The following IL21R variants were observed in gnomAD, a reference collection of about 807,000 sequenced individuals.
IL21R encodes the protein interleukin-21 receptor.
In IL21R, 14 loss-of-function variants were observed where a neutral mutation model predicts 41.3. The ratio of observed to expected loss-of-function variants is 0.34; its 90% confidence interval spans 0.22 to 0.53. The LOEUF (loss-of-function observed/expected upper bound fraction) is 0.53. IL21R is among the 20% of genes least tolerant of loss of function. The probability of loss-of-function intolerance (pLI) is 0.94; values close to 1 mark genes in which losing one functional copy is unlikely to be tolerated. For synonymous variants in IL21R, 286 were observed against 287.6 expected, an observed-to-expected ratio of 0.99 and a Z score of 0.05; for missense variants, 588 against 681.6, an observed-to-expected ratio of 0.86 and a Z score of 1.53.
chr16:27,434,476 CG>C, intron 3 of IL21R, 27 bp downstream of exon 3: 2 of 1,451,680 alleles, frequency 1.4e-6, no homozygotes. Flanking sequence ...CACCAGTCCC[CG>C]GGGATGCAAT....
At chr16:27,423,140 C>T (rs145432378) in intron 1 of IL21R, among the ~76,000 whole-genome samples, 1 of 152,016 alleles carries the variant, frequency 6.6e-6, no homozygotes, top group Non-Finnish European at 1.5e-5. Flanking sequence ...TTTTCAATGA[C>T]TTTGCACATG....
intron 1 of IL21R, among the ~76,000 whole-genome samples, chr16:27,418,588 T>G (rs1232089036): frequency 6.6e-6 from 1 of 152,132 alleles, no homozygotes; most frequent in Non-Finnish European, 1.5e-5. Context: ...GCCAGGATAG[T>G]CTTGATCACC....
intron 1 of IL21R, among the ~76,000 whole-genome samples, chr16:27,427,841 T>C (rs1316644387): frequency 6.6e-6 from 1 of 152,146 alleles, no homozygotes; most frequent in Non-Finnish European, 1.5e-5. Flanking sequence ...TCTGCAGGGG[T>C]TGGAATCACA....
chr16:27,439,349 C>T (rs2087333565), intron 4 of IL21R, among the ~76,000 whole-genome samples: 1 of 151,222 alleles, frequency 6.6e-6, no homozygotes, highest in Admixed American at 6.6e-5. Flanking sequence ...CTCATACACA[C>T]TCACACATAC....
chr16:27,432,735 C>G (rs545448236), intron 2 of IL21R, among the ~76,000 whole-genome samples: 4 of 152,356 alleles, frequency 2.6e-5, no homozygotes, highest in African/African-American at 9.6e-5. Flanking sequence ...CCGACAAGTT[C>G]TGTGTGTCTC....
chr16:27,447,978 C>A (rs972528685), intron 8 of IL21R: 2 of 153,152 alleles, frequency 1.3e-5, no homozygotes, highest in African/African-American at 4.8e-5. Context: ...CTCCCTTCTA[C>A]AAGTAGGGAA....
chr16:27,430,133 C>T lies in IL21R; in HGVS notation c.49+13C>T, dbSNP rs1383906634. On this transcript the variant is annotated intron_variant, in intron 2 of 8. Transcript: ENST00000337929. ...CTGCTCCAGGGAGGTAAGTGGCTGC[C>T]CCGTGGTCTGCGGGTGGGGAGGGCC... 12 of 1,601,444 alleles carry T rather than the reference C, an allele frequency of 7.5e-6. No individual in the cohort carries two copies. The highest frequency in any genetic ancestry group is 9.3e-6 in the Non-Finnish European group (11 of 1,179,378).
chr16:27,417,281 C>A (rs2086905578), intron 1 of IL21R, among the ~76,000 whole-genome samples: 1 of 151,430 alleles, frequency 6.6e-6, no homozygotes, highest in Non-Finnish European at 1.5e-5. Context: ...CCCACCTTAG[C>A]CTCCTGAGTA....
At chr16:27,429,674 T>C (rs2087136077) in intron 1 of IL21R, among the ~76,000 whole-genome samples, 2 of 152,264 alleles carry the variant, frequency 1.3e-5, no homozygotes, top group South Asian at 4.1e-4. Context: ...CTCGGGAGGC[T>C]GATGCAGGAG....
At chr16:27,432,907 C>G (rs1331559688) in intron 2 of IL21R, among the ~76,000 whole-genome samples, 2 of 152,192 alleles carry the variant, frequency 1.3e-5, no homozygotes, top group East Asian at 3.9e-4. Flanking sequence ...CTATGAAAAA[C>G]TAGCACAGAC....
intron 1 of IL21R, among the ~76,000 whole-genome samples, chr16:27,404,216 G>A (rs974989325): frequency 2.0e-5 from 3 of 152,122 alleles, no homozygotes; most frequent in Non-Finnish European, 4.4e-5. Context: ...CCAGGAGGGT[G>A]TCCGGATCCT....
intron 3 of IL21R, 83 bp downstream of exon 3, chr16:27,434,532 T>G: frequency 3.6e-6 from 3 of 833,610 alleles, no homozygotes; most frequent in Non-Finnish European, 6.0e-6. Context: ...CACTGTGCAC[T>G]GAGGACCACT....
intron 4 of IL21R, chr16:27,442,724 C>T (rs1473152433): frequency 2.8e-6 from 1 of 359,650 alleles, no homozygotes; most frequent in Non-Finnish European, 5.0e-6. Context: ...CCTGCCCGCC[C>T]CTGAGTTTGC....
chr16:27,426,128 A>G (rs544782108), intron 1 of IL21R, among the ~76,000 whole-genome samples: 1 of 152,328 alleles, frequency 6.6e-6, no homozygotes, highest in East Asian at 1.9e-4. Flanking sequence ...TGCTGTGATT[A>G]TCATTACTCC....
chr16:27,444,726 G>A lies in IL21R; in HGVS notation c.685+7G>A, dbSNP rs1567372368. 4 of 1,482,428 alleles carry A rather than the reference G, an allele frequency of 2.7e-6. No homozygotes were observed. The highest frequency in any genetic ancestry group is 3.6e-6 in the Non-Finnish European group (4 of 1,114,922). The allele number at this position is 1,482,428 out of a possible 1,614,324, so 91.8% of individuals were successfully genotyped here. On this transcript the variant is annotated splice_region_variant and intron_variant, in intron 6 of 8. Transcript: ENST00000337929. ...TTTCAGACCCAGTCAGAGGGTAGGT[G>A]TGAAGCTGGGATGGACACCCCACTC...
intron 7 of IL21R, 98 bp downstream of exon 7, chr16:27,445,374 T>C: frequency 1.3e-6 from 1 of 778,544 alleles, no homozygotes; most frequent in Non-Finnish European, 2.2e-6. Context: ...GTCATCATGG[T>C]AACAATGATG....
chr16:27,436,899 C>T (rs2087280163), intron 3 of IL21R, among the ~76,000 whole-genome samples: 1 of 152,064 alleles, frequency 6.6e-6, no homozygotes, highest in South Asian at 2.1e-4. Context: ...ATGGTGGGAC[C>T]CCATCTCTAC....
chr16:27,433,096 A>G (rs2087202872), intron 2 of IL21R, among the ~76,000 whole-genome samples: 1 of 152,176 alleles, frequency 6.6e-6, no homozygotes, highest in South Asian at 2.1e-4. Context: ...CAGGAAGGGA[A>G]TCTACCACCA....
chr16:27,436,151 C>A (rs945558455), intron 3 of IL21R, among the ~76,000 whole-genome samples: 1 of 152,104 alleles, frequency 6.6e-6, no homozygotes, highest in African/African-American at 2.4e-5. Context: ...GTTTTGAGAC[C>A]CCGGGATGGC....
Sources: gnomAD v4.1 joint callset for allele counts (sites outside exome capture counted in the v4.1 genomes callset) on GRCh38, gnomAD v4.1.1 for gene constraint, MANE v1.5 for transcripts, NCBI Gene and HGNC (gene_info 2026-07-23, HGNC 2026-07-21) for gene names.